Variants in CSMD3 observed in about 807,000 individuals in gnomAD.
CSMD3 encodes the protein CUB and Sushi multiple domains 3.
In CSMD3, 177 loss-of-function variants were observed where a neutral mutation model predicts 435.2. The observed-to-expected ratio is 0.41, with a 90% CI of 0.36 to 0.46. CSMD3 has a LOEUF of 0.46. Among genes scored for constraint, CSMD3 ranks in the 20% least tolerant of loss-of-function variants. The probability of loss-of-function intolerance (pLI) is 0.34; values close to 1 mark genes in which losing one functional copy is unlikely to be tolerated. For synonymous variants in CSMD3, 1,656 were observed against 1,520.5 expected (o/e 1.09, Z -2.07); for missense variants, 4,265 against 4,504.6 (o/e 0.95, Z 1.52).
At chr8:112,458,519 C>T (rs1213578922) in intron 32 of CSMD3, among the ~76,000 whole-genome samples, 1 of 151,984 alleles carries the variant, frequency 6.6e-6, no homozygotes, top group Non-Finnish European at 1.5e-5. Flanking sequence ...TCCTGGTATC[C>T]TTAAATGTCA....
At chr8:112,434,160 A>G (rs1814055484) in intron 32 of CSMD3, among the ~76,000 whole-genome samples, 1 of 152,098 alleles carries the variant, frequency 6.6e-6, no homozygotes, top group Non-Finnish European at 1.5e-5. Flanking sequence ...GACAGATGTG[A>G]GCTGCAAACT....
chr8:113,085,675 A>G (rs941389038), intron 5 of CSMD3, among the ~76,000 whole-genome samples: 3 of 152,180 alleles, frequency 2.0e-5, no homozygotes, highest in Non-Finnish European at 4.4e-5. Flanking sequence ...AATGTCACCC[A>G]TGGAAAGTTA....
At chr8:113,274,197 T>C (rs954273232) in intron 3 of CSMD3, among the ~76,000 whole-genome samples, 5 of 152,064 alleles carry the variant, frequency 3.3e-5, no homozygotes, top group Admixed American at 6.6e-5. Context: ...TATTAATATA[T>C]TGATTTTTTT....
In CSMD3 at chr8:112,837,158, G is replaced by A. The variant is rs147732324; in HGVS notation, c.1756-7369C>T. On this transcript the variant is annotated intron_variant, in intron 11 of 70. Transcript: ENST00000297405. ...CTAATAAATATTACATAAATTCTTC[G>A]GGAAAAAAATATAGAAAGCATCTAT... Among the ~76,000 whole-genome samples the A allele has an allele frequency of 9.2e-5, 14 of 151,600 alleles. No homozygotes were observed. In the South Asian group the frequency reaches 1.0e-3, roughly 11 times the overall value.
chr8:112,943,535 C>T (rs111540313), intron 9 of CSMD3, among the ~76,000 whole-genome samples: 1 of 151,402 alleles, frequency 6.6e-6, no homozygotes, highest in Non-Finnish European at 1.5e-5. Flanking sequence ...ATCTAATGTT[C>T]CTTTGAGATA....
intron 13 of CSMD3, among the ~76,000 whole-genome samples, chr8:112,798,880 C>T (rs2132323484): frequency 1.3e-5 from 2 of 151,682 alleles, no homozygotes; most frequent in Middle Eastern, 3.4e-3. Context: ...GGGGAAGAAA[C>T]AGAAAAAGAT....
At chr8:112,767,611 T>C (rs2078011900) in intron 13 of CSMD3, among the ~76,000 whole-genome samples, 1 of 151,816 alleles carries the variant, frequency 6.6e-6, no homozygotes, top group South Asian at 2.1e-4. Context: ...AGCAAAGCAC[T>C]AGACTCATAT....
chr8:112,408,862 T>G, intron 33 of CSMD3, 57 bp downstream of exon 33: 1 of 1,612,524 alleles, frequency 6.2e-7, no homozygotes, highest in Admixed American at 1.7e-5. Context: ...ACTACAATAC[T>G]AATCAAAGTC....
chr8:112,865,350 A>G (rs775644437), intron 10 of CSMD3, among the ~76,000 whole-genome samples: 7 of 152,072 alleles, frequency 4.6e-5, no homozygotes, highest in Non-Finnish European at 8.8e-5. Context: ...AGATCTGTCT[A>G]TTGTTGTCTC....
At chr8:112,466,815 G>A (rs1393729240) in intron 32 of CSMD3, among the ~76,000 whole-genome samples, 4 of 152,036 alleles carry the variant, frequency 2.6e-5, no homozygotes, top group Non-Finnish European at 5.9e-5. Flanking sequence ...AATACATTTA[G>A]TGAATATAAT....
At chr8:112,258,026 A>C (rs1815972599) in intron 61 of CSMD3, among the ~76,000 whole-genome samples, 2 of 152,120 alleles carry the variant, frequency 1.3e-5, no homozygotes, top group Non-Finnish European at 2.9e-5. Context: ...AACAAGCAAT[A>C]GGGAAAGGAT....
intron 63 of CSMD3, among the ~76,000 whole-genome samples, chr8:112,251,066 C>T (rs1375324851): frequency 6.6e-6 from 1 of 151,588 alleles, no homozygotes; most frequent in Non-Finnish European, 1.5e-5. Flanking sequence ...GCAAATAACA[C>T]TTGGCATGCT....
chr8:112,730,378 C>T (rs1042525257), intron 13 of CSMD3, among the ~76,000 whole-genome samples: 12 of 151,980 alleles, frequency 7.9e-5, no homozygotes, highest in African/African-American at 1.9e-4. Context: ...TAAAGATTGT[C>T]ATTATTTCAT....
chr8:112,400,471 A>G (rs1831226280), intron 35 of CSMD3, among the ~76,000 whole-genome samples: 2 of 152,182 alleles, frequency 1.3e-5, no homozygotes, highest in African/African-American at 4.8e-5. Context: ...TCTGTTCTTT[A>G]TCTAAAGACT....
At chr8:113,393,190 A>G (rs1272624345) in intron 1 of CSMD3, among the ~76,000 whole-genome samples, 2 of 151,964 alleles carry the variant, frequency 1.3e-5, no homozygotes, top group Non-Finnish European at 2.9e-5. Context: ...TGTACACCAT[A>G]AAATATAAAG....
intron 13 of CSMD3, among the ~76,000 whole-genome samples, chr8:112,788,033 T>C (rs1016121472): frequency 1.3e-5 from 2 of 152,180 alleles, no homozygotes; most frequent in African/African-American, 4.8e-5. Context: ...TTATACACTG[T>C]AGGCCTGTAT....
chr8:113,397,358 G>A (rs1374397027), intron 1 of CSMD3, among the ~76,000 whole-genome samples: 3 of 151,988 alleles, frequency 2.0e-5, no homozygotes, highest in Non-Finnish European at 2.9e-5. Flanking sequence ...TGAGCTGTTG[G>A]TATTTGTCTA....
At chr8:112,463,484 G>C (rs956656737) in intron 32 of CSMD3, among the ~76,000 whole-genome samples, 1 of 152,170 alleles carries the variant, frequency 6.6e-6, no homozygotes, top group Admixed American at 6.5e-5. Context: ...GTTTTCTCTT[G>C]GTAACTGGCT....
At chr8:112,291,116 T>C (rs1288549799) in intron 56 of CSMD3, among the ~76,000 whole-genome samples, 1 of 151,972 alleles carries the variant, frequency 6.6e-6, no homozygotes, top group Non-Finnish European at 1.5e-5. Context: ...CACACCTTTG[T>C]GTAAATCTTC....
Sources: gnomAD v4.1 joint callset for allele counts (sites outside exome capture counted in the v4.1 genomes callset) on GRCh38, gnomAD v4.1.1 for gene constraint, MANE v1.5 for transcripts, NCBI Gene and HGNC (gene_info 2026-07-23, HGNC 2026-07-21) for gene names.